PRKN: variants seen among roughly 807,000 people sequenced by gnomAD.
PRKN encodes parkin RBR E3 ubiquitin protein ligase.
In PRKN, 56 loss-of-function variants were observed where a neutral mutation model predicts 59.5. That is an observed-to-expected ratio of 0.94 (90% confidence interval 0.76 to 1.18). The LOEUF (loss-of-function observed/expected upper bound fraction) is 1.18. Ranked by LOEUF, PRKN falls within the 50% of genes most tolerant of loss-of-function variation. PRKN has a pLI of 0.00. For missense variants in PRKN, 657 were observed against 596.4 expected (o/e 1.10, Z -1.06); for synonymous variants, 250 against 222.1 (o/e 1.13, Z -1.12).
intron 7 of PRKN, among the ~76,000 whole-genome samples, chr6:161,654,664 C>T (rs1490698369): frequency 6.6e-6 from 1 of 152,178 alleles, no homozygotes; most frequent in Non-Finnish European, 1.5e-5. Context: ...AAACCTCAGG[C>T]CTACTGTGTG....
At chr6:161,678,428 A>G (rs1785172701) in intron 7 of PRKN, among the ~76,000 whole-genome samples, 1 of 151,974 alleles carries the variant, frequency 6.6e-6, no homozygotes, top group Admixed American at 6.6e-5. Flanking sequence ...TAATAAGTGT[A>G]AAGCTCTTAC....
chr6:161,579,795 T>G lies in PRKN; in HGVS notation c.872-10379A>C, dbSNP rs374263534. Among the ~76,000 whole-genome samples, 37 of 152,306 alleles carry G rather than the reference T, an allele frequency of 2.4e-4. No homozygotes were observed. Among genetic ancestry groups the G allele is most frequent in the African/African-American group, 8.7e-4 (36 of 41,580 alleles). ...ATAGTTTTACAAGTACTTAATGGTATTTTTTGTTTTTGAATTTTGTATTTT... is the reference window on the plus strand; with the variant it reads ...ATAGTTTTACAAGTACTTAATGGTAGTTTTTGTTTTTGAATTTTGTATTTT... On this transcript the variant is annotated intron_variant, in intron 7 of 11. Coordinates refer to ENST00000366898, the MANE Select transcript of PRKN (RefSeq NM_004562.3). This position sits in a 1 kb window ranked among gnomAD's most constrained non-coding sequence, Gnocchi z 4.2.
rs1777865855 is a variant in PRKN at position 161,499,159 on chromosome 6, G to C, written c.1083+49695C>G. On this transcript the variant is annotated intron_variant, in intron 9 of 11. Coordinates refer to ENST00000366898, the MANE Select transcript of PRKN (RefSeq NM_004562.3). The surrounding 1 kb of genome is among the most constrained non-coding windows in gnomAD (Gnocchi z 4.2). ...TTTTTTTTTTTTTTTGGCTCACAGAGTGCTTGAAAAGAATCTAAGACAACA... is the reference window on the plus strand; with the variant it reads ...TTTTTTTTTTTTTTTGGCTCACAGACTGCTTGAAAAGAATCTAAGACAACA... Among the ~76,000 whole-genome samples, 1 of 149,374 alleles carries C rather than the reference G, an allele frequency of 6.7e-6. No individual in the cohort carries two copies. The highest frequency in any genetic ancestry group is 2.5e-5 in the African/African-American group (1 of 40,396).
intron 7 of PRKN, among the ~76,000 whole-genome samples, chr6:161,765,144 C>T (rs977702568): frequency 2.0e-5 from 3 of 152,154 alleles, no homozygotes; most frequent in South Asian, 4.1e-4. Context: ...TCCCCAAAAA[C>T]GCTTCCATAA....
At chr6:161,705,737 G>C (rs956374035) in intron 7 of PRKN, among the ~76,000 whole-genome samples, 2 of 152,274 alleles carry the variant, frequency 1.3e-5, no homozygotes, top group African/African-American at 4.8e-5. Flanking sequence ...TAAAGGGACA[G>C]ATGGAAGACG....
chr6:162,124,934 G>T (rs977159643), intron 4 of PRKN, among the ~76,000 whole-genome samples: 5 of 152,170 alleles, frequency 3.3e-5, no homozygotes, highest in African/African-American at 1.2e-4. Context: ...TCAGTCAAGT[G>T]TCAAAGAAGT....
At chr6:162,421,730 G>T (rs7746196) in intron 2 of PRKN, among the ~76,000 whole-genome samples, 2 of 151,752 alleles carry the variant, frequency 1.3e-5, no homozygotes, top group African/African-American at 4.8e-5. Flanking sequence ...CAAACAAGGA[G>T]AATCAAGTAA....
intron 10 of PRKN, among the ~76,000 whole-genome samples, chr6:161,381,838 C>T (rs1442281682): frequency 7.9e-5 from 12 of 151,760 alleles, no homozygotes; most frequent in South Asian, 2.1e-4. Context: ...TTAGGCCGGG[C>T]GCAGTGGCTC....
intron 5 of PRKN, among the ~76,000 whole-genome samples, chr6:161,991,514 T>C (rs1445832643): frequency 6.6e-6 from 1 of 152,164 alleles, no homozygotes; most frequent in South Asian, 2.1e-4. Flanking sequence ...ATTTCCCCCA[T>C]AAAAGATAAT....
At chr6:162,179,046 T>C (rs577359249) in intron 4 of PRKN, among the ~76,000 whole-genome samples, 33 of 152,122 alleles carry the variant, frequency 2.2e-4, no homozygotes, top group Non-Finnish European at 3.7e-4. Flanking sequence ...GCCTGGCTAA[T>C]TTTTAAAATT....
chr6:162,489,367 G>A (rs1185520033), intron 1 of PRKN, among the ~76,000 whole-genome samples: 1 of 152,126 alleles, frequency 6.6e-6, no homozygotes, highest in Non-Finnish European at 1.5e-5. Context: ...TCTTCTAAGT[G>A]CACAAAGTAA....
At chr6:161,767,425 G>A (rs1789472897) in intron 7 of PRKN, among the ~76,000 whole-genome samples, 1 of 151,940 alleles carries the variant, frequency 6.6e-6, no homozygotes, top group Non-Finnish European at 1.5e-5. Context: ...GCTGAAGCAG[G>A]AGAATGGCGT....
At chr6:162,205,871 C>T (rs1358453860) in intron 3 of PRKN, among the ~76,000 whole-genome samples, 3 of 152,122 alleles carry the variant, frequency 2.0e-5, no homozygotes, top group African/African-American at 7.2e-5. Context: ...ATTTAAATAG[C>T]TGTCTGTGGG....
At chr6:162,356,841 T>C (rs1227709166) in intron 2 of PRKN, among the ~76,000 whole-genome samples, 1 of 151,520 alleles carries the variant, frequency 6.6e-6, no homozygotes, top group Non-Finnish European at 1.5e-5. Context: ...TCAACTGATC[T>C]TTGACAAAGA....
At position 161,448,979 on chromosome 6, in the gene PRKN, A is replaced by G. The variant is rs760870576; in HGVS notation, c.1084-62102T>C. ...GGTGCATCTGAGATGGTGACTGCTC[A>G]GAATAAAGTGATAAGGGGACAAAAG... is the stretch of plus-strand genomic sequence containing the variant. On this transcript the variant is annotated intron_variant, in intron 9 of 11. Coordinates refer to ENST00000366898, the MANE Select transcript of PRKN (RefSeq NM_004562.3). The surrounding 1 kb of genome is among the most constrained non-coding windows in gnomAD (Gnocchi z 5.1). Among the ~76,000 whole-genome samples, 2 of 152,242 alleles carry G rather than the reference A, an allele frequency of 1.3e-5. No homozygotes were observed. The highest frequency in any genetic ancestry group is 2.4e-5 in the African/African-American group (1 of 41,466).
intron 6 of PRKN, among the ~76,000 whole-genome samples, chr6:161,918,696 G>A (rs545623940): frequency 1.3e-5 from 2 of 152,204 alleles, no homozygotes; most frequent in Admixed American, 6.5e-5. Flanking sequence ...TTCTATGCAC[G>A]GGAAAACAAG....
At chr6:162,625,223 G>T (rs1018521477) in intron 1 of PRKN, among the ~76,000 whole-genome samples, 1 of 152,180 alleles carries the variant, frequency 6.6e-6, no homozygotes, top group Non-Finnish European at 1.5e-5. Flanking sequence ...AACTGAGCGA[G>T]GAATAAATCA....
intron 4 of PRKN, among the ~76,000 whole-genome samples, chr6:162,147,005 A>G (rs1782058762): frequency 6.7e-6 from 1 of 148,404 alleles, no homozygotes; most frequent in Non-Finnish European, 1.5e-5. Flanking sequence ...TGCTGGGATT[A>G]CAGGCCTGAG....
intron 4 of PRKN, among the ~76,000 whole-genome samples, chr6:162,158,373 T>G (rs1782610675): frequency 6.6e-6 from 1 of 151,518 alleles, no homozygotes; most frequent in Non-Finnish European, 1.5e-5. Flanking sequence ...GCTACTTATC[T>G]TGTAGAGTGT....
Sources: allele counts gnomAD v4.1 joint callset (sites outside exome capture counted in the v4.1 genomes callset), GRCh38; gene constraint gnomAD v4.1.1; non-coding constraint Gnocchi (gnomAD v3.1); transcripts MANE v1.5; gene names NCBI Gene and HGNC (gene_info 2026-07-23, HGNC 2026-07-21).